The following DPY30 variants were observed in gnomAD, a reference collection of about 807,000 sequenced individuals.
DPY30 encodes protein dpy-30 homolog.
In DPY30, 6 loss-of-function variants were observed where a neutral mutation model predicts 16.2. The ratio of observed to expected loss-of-function variants is 0.37; its 90% CI spans 0.20 to 0.73. The LOEUF (loss-of-function observed/expected upper bound fraction) is 0.73, where lower values mean the gene tolerates loss of function less well. Ranked by LOEUF, DPY30 falls within the 30% of genes least tolerant of loss-of-function variation. DPY30 has a pLI of 0.51. For synonymous variants in DPY30, 39 were observed against 38.8 expected (o/e 1.00, Z -0.02); for missense variants, 73 against 113.1 (o/e 0.65, Z 1.61).
At chr2:32,025,292 A>G (rs678251) in intron 4 of DPY30, among the ~76,000 whole-genome samples, 85,892 of 151,748 alleles carry the variant, frequency 0.57, 24,737 homozygotes, top group African/African-American at 0.67. Context: ...GTGAAACTCC[A>G]TCTCTACTAA....
chr2:32,015,192 GA>G (rs1171964311), intron 5 of DPY30, among the ~76,000 whole-genome samples: 1 of 151,946 alleles, frequency 6.6e-6, no homozygotes, highest in East Asian at 1.9e-4. Context: ...AACAGCTTTA[GA>G]AGCACCCTAA....
intron 4 of DPY30, among the ~76,000 whole-genome samples, chr2:32,025,710 C>G (rs1028095101): frequency 6.7e-6 from 1 of 148,936 alleles, no homozygotes; most frequent in East Asian, 2.0e-4. Context: ...TGCAGTGAAC[C>G]AAGATCGAGC....
chr2:32,035,864 G>A (rs898186188), intron 3 of DPY30, among the ~76,000 whole-genome samples: 8 of 150,164 alleles, frequency 5.3e-5, no homozygotes, highest in Admixed American at 3.3e-4. Flanking sequence ...AACCCGGGAG[G>A]CAGAGGTTAC....
At chr2:32,029,177 C>T (rs555659168) in intron 4 of DPY30, among the ~76,000 whole-genome samples, 1 of 151,960 alleles carries the variant, frequency 6.6e-6, no homozygotes, top group South Asian at 2.1e-4. Context: ...GAGGCTGAGA[C>T]ACAAGAATCA....
intron 3 of DPY30, among the ~76,000 whole-genome samples, chr2:32,035,299 T>C (rs1047389171): frequency 6.6e-6 from 1 of 151,580 alleles, no homozygotes; most frequent in South Asian, 2.1e-4. Context: ...AAAAATTAAA[T>C]AAATAAATAA....
intron 3 of DPY30, among the ~76,000 whole-genome samples, chr2:32,034,279 A>G (rs1675655345): frequency 6.6e-6 from 1 of 152,182 alleles, no homozygotes; most frequent in Non-Finnish European, 1.5e-5. Context: ...TTTATAAAGA[A>G]AAGAGGTTTA....
At chr2:32,032,476 A>C (rs1675577337) in intron 3 of DPY30, among the ~76,000 whole-genome samples, 1 of 152,226 alleles carries the variant, frequency 6.6e-6, no homozygotes, top group African/African-American at 2.4e-5. Context: ...CACACTGATC[A>C]CAACAAAGAC....
chr2:32,022,369 T>C (rs1400322719), downstream of DPY30, among the ~76,000 whole-genome samples: 5 of 152,080 alleles, frequency 3.3e-5, no homozygotes, highest in Admixed American at 2.0e-4. Context: ...TATGTCCAGG[T>C]TTTTCCTATT....
At chr2:32,020,256 C>T (rs1263664696), downstream of DPY30, among the ~76,000 whole-genome samples, 1 of 151,268 alleles carries the variant, frequency 6.6e-6, no homozygotes, top group East Asian at 1.9e-4. Context: ...ATCCCAGCAC[C>T]GTGGGATTAT....
At chr2:32,036,501 C>A (rs1675744221) in intron 3 of DPY30, among the ~76,000 whole-genome samples, 1 of 151,966 alleles carries the variant, frequency 6.6e-6, no homozygotes, top group Non-Finnish European at 1.5e-5. Flanking sequence ...GAAACCCCGT[C>A]TCTACTAAAA....
At chr2:32,017,716 A>G (rs1675091634) in intron 5 of DPY30, among the ~76,000 whole-genome samples, 1 of 152,176 alleles carries the variant, frequency 6.6e-6, no homozygotes, top group South Asian at 2.1e-4. Flanking sequence ...CAACTTATTT[A>G]TACCAGTTCT....
chr2:32,034,422 G>C (rs1256420800), intron 3 of DPY30, among the ~76,000 whole-genome samples: 1 of 152,118 alleles, frequency 6.6e-6, no homozygotes, highest in South Asian at 2.1e-4. Context: ...GGGAGCAAGA[G>C]AGAAAGGAGT....
At position 32,029,761 on chromosome 2, in the gene DPY30, A is replaced by G. The variant is rs756063758; in HGVS notation, c.85-25T>C. On this transcript the variant is annotated intron_variant, in intron 3 of 4. Coordinates refer to ENST00000342166, the MANE Select transcript of DPY30 (RefSeq NM_001321209.2). ...TCTAGTGAATTCAAAAAAACAGTGC[A>G]TGAACATTTCAAATAACCAGGTTAT... 1.9e-6 allele frequency: 3 copies of G among 1,611,620 alleles called. No individual in the cohort carries two copies. In the Admixed American group the frequency reaches 5.0e-5, roughly 27 times the overall value.
intron 5 of DPY30, among the ~76,000 whole-genome samples, chr2:32,018,887 A>G (rs1431451359): frequency 1.3e-5 from 2 of 151,732 alleles, no homozygotes; most frequent in East Asian, 1.9e-4. Context: ...TTAGCCAGAC[A>G]TGGTGGCAAG....
intron 5 of DPY30, among the ~76,000 whole-genome samples, chr2:32,016,718 C>T (rs1406935085): frequency 6.6e-6 from 1 of 152,048 alleles, no homozygotes; most frequent in Admixed American, 6.6e-5. Context: ...CTAACCCACC[C>T]ACCAACGTAA....
chr2:32,033,564 C>T (rs1177355436), intron 3 of DPY30, among the ~76,000 whole-genome samples: 2 of 151,968 alleles, frequency 1.3e-5, no homozygotes, highest in East Asian at 1.9e-4. Flanking sequence ...CCCAGCTACT[C>T]GGGAGGCTAA....
At chr2:32,034,713 A>G (rs1259575325) in intron 3 of DPY30, among the ~76,000 whole-genome samples, 3 of 152,158 alleles carry the variant, frequency 2.0e-5, no homozygotes, top group African/African-American at 7.2e-5. Context: ...AAAATCTCAT[A>G]ATACGCTGGC....
rs1228685163 is a variant in DPY30 at position 32,039,793 on chromosome 2, C to G, written c.-97G>C. ...CCGCGCCACCAGCTCCCAGCACAAA[C>G]AGCTCCGGCCGTAAGTGACGGCTGT... On this transcript the variant is annotated 5_prime_UTR_variant, in exon 1 of 5. Transcript: ENST00000342166. The G allele has an allele frequency of 1.0e-5, 4 of 388,686 alleles. No individual in the cohort carries two copies. The highest frequency in any genetic ancestry group is 8.0e-5 in the African/African-American group (4 of 49,886). The allele number at this position is 388,686 out of a possible 1,614,324, so 24.1% of individuals were successfully genotyped here.
downstream of DPY30, chr2:32,023,747 A>C: frequency 1.5e-6 from 2 of 1,304,672 alleles, no homozygotes; most frequent in South Asian, 2.5e-5. Flanking sequence ...CAATGCTGAG[A>C]AAAATTGGCT....
Sources: gnomAD v4.1 joint callset for allele counts (sites outside exome capture counted in the v4.1 genomes callset) on GRCh38, gnomAD v4.1.1 for gene constraint, MANE v1.5 for transcripts, NCBI Gene and HGNC (gene_info 2026-07-23, HGNC 2026-07-21) for gene names.